Variants in PPIG observed in about 807,000 individuals in gnomAD.
PPIG encodes peptidyl-prolyl cis-trans isomerase G.
Under a neutral mutation model 87.9 loss-of-function variants are expected in PPIG, and 26 were observed. That is an observed-to-expected ratio of 0.30 (90% CI 0.22 to 0.41). PPIG has a LOEUF of 0.41. Ranked by LOEUF, PPIG falls within the 10% of genes least tolerant of loss-of-function variation. The pLI, the probability that PPIG is intolerant of heterozygous loss-of-function variation, is 1.00. For synonymous variants in PPIG, 308 were observed against 276.5 expected, an observed-to-expected ratio of 1.11 and a Z score of -1.13; for missense variants, 722 against 879.4, an observed-to-expected ratio of 0.82 and a Z score of 2.26.
At chr2:169,588,556 C>G (rs1398098533) in intron 1 of PPIG, among the ~76,000 whole-genome samples, 2 of 152,168 alleles carry the variant, frequency 1.3e-5, no homozygotes, top group African/African-American at 4.8e-5. Context: ...GTAGGAATTA[C>G]TGGATTGAAT....
At chr2:169,623,580 A>G (rs1685809626) in intron 9 of PPIG, among the ~76,000 whole-genome samples, 1 of 152,204 alleles carries the variant, frequency 6.6e-6, no homozygotes. Flanking sequence ...CAAATAGCAC[A>G]ATAGAGGAAG....
At chr2:169,628,939 CAAAAAA>C (rs71006010) in intron 9 of PPIG, among the ~76,000 whole-genome samples, 26 of 92,322 alleles carry the variant, frequency 2.8e-4, no homozygotes, top group African/African-American at 9.8e-4. Flanking sequence ...ACCCTGTCTC[CAAAAAA>C]AAAAAAAAAA....
chr2:169,585,549 G>T (rs1684677640), intron 1 of PPIG, among the ~76,000 whole-genome samples: 1 of 152,064 alleles, frequency 6.6e-6, no homozygotes, highest in South Asian at 2.1e-4. Context: ...GAGAGCCACC[G>T]CGCACGGCCA....
intron 9 of PPIG, among the ~76,000 whole-genome samples, chr2:169,623,584 G>A (rs1685809731): frequency 1.3e-5 from 2 of 152,216 alleles, no homozygotes; most frequent in South Asian, 4.1e-4. Flanking sequence ...TAGCACAATA[G>A]AGGAAGCAGC....
intron 13 of PPIG, 36 bp from the exon 14 acceptor site, chr2:169,636,377 A>G: frequency 1.3e-6 from 2 of 1,488,582 alleles, no homozygotes; most frequent in Non-Finnish European, 1.8e-6. Context: ...TTCTTTTCCT[A>G]ATAACATTTC....
intron 1 of PPIG, among the ~76,000 whole-genome samples, chr2:169,602,050 T>A (rs1685198183): frequency 1.3e-5 from 2 of 152,192 alleles, no homozygotes; most frequent in African/African-American, 2.4e-5. Context: ...ATTTCACACA[T>A]AAGTACTTAA....
intron 6 of PPIG, among the ~76,000 whole-genome samples, chr2:169,607,714 C>G (rs528635442): frequency 5.0e-4 from 76 of 152,146 alleles, no homozygotes; most frequent in Non-Finnish European, 9.6e-4. Flanking sequence ...TCTTAATATT[C>G]TAACCCAAGA....
chr2:169,587,559 G>A (rs1480914537), intron 1 of PPIG, among the ~76,000 whole-genome samples: 1 of 151,996 alleles, frequency 6.6e-6, no homozygotes, highest in African/African-American at 2.4e-5. Context: ...TTTAATGTTA[G>A]GACTAAACTT....
rs576143621 is a variant in PPIG, at chr2:169,613,037, G to A, written c.378-1427G>A. Among the ~76,000 whole-genome samples, 117 of 152,260 alleles carry A rather than the reference G, an allele frequency of 7.7e-4. 1 individual carries two copies. In the Middle Eastern group the frequency reaches 0.017, roughly 22 times the overall value. On this transcript the variant is annotated intron_variant, in intron 7 of 13. Transcript: ENST00000260970. ...ACTATGTGTATCTGTAAATTACCATGAAAGCACCACAAGCTGTAATTTTTT... is the reference window on the plus strand; with the variant it reads ...ACTATGTGTATCTGTAAATTACCATAAAAGCACCACAAGCTGTAATTTTTT...
chr2:169,587,125 G>T (rs1490393374), intron 1 of PPIG, among the ~76,000 whole-genome samples: 1 of 152,006 alleles, frequency 6.6e-6, no homozygotes, highest in African/African-American at 2.4e-5. Flanking sequence ...TAGAGAAGGG[G>T]TTTCACCATG....
In PPIG at chr2:169,622,737, T is replaced by C. The variant is rs557501786; in HGVS notation, c.547+8013T>C. Among the ~76,000 whole-genome samples the C allele has an allele frequency of 2.6e-5, 4 of 152,328 alleles. No homozygotes were observed. The East Asian group carries it at 7.7e-4, about 29-fold the overall frequency. On this transcript the variant is annotated intron_variant, in intron 9 of 13. Transcript: ENST00000260970. ...ACACACTTGGGCCCCTGTTATTCCA[T>C]AATCCTTCAGTTACCATTCAGAACA... is the stretch of plus-strand genomic sequence containing the variant.
At chr2:169,608,969 A>G (rs1685411596) in intron 7 of PPIG, among the ~76,000 whole-genome samples, 1 of 151,648 alleles carries the variant, frequency 6.6e-6, no homozygotes, top group South Asian at 2.1e-4. Context: ...CTGTAGTCCC[A>G]GCTACTTGGG....
In PPIG at chr2:169,604,051, A is replaced by G; in HGVS notation, c.10A>G (p.Lys4Glu). The change falls in exon 3 of 14, where the codon AAG becomes GAG. Residue 4 changes from lysine (K) to glutamate (E), a missense_variant. Physicochemically the swap from Lys to Glu is moderately conservative, Grantham distance 56. Around this residue, in one of 4 missense-constraint regions of PPIG, gnomAD observed 99 missense variants for 215.8 expected, o/e 0.46. Coordinates refer to ENST00000260970, the MANE Select transcript of PPIG (RefSeq NM_004792.3). ...ATTAAGTATTGGAGCCATGGGAATA[A>G]AGGTTCAACGTCCTCGATGTTTTTT... Reference protein sequence around the residue: MGIKVQRPRCFFDI... With the variant: MGIEVQRPRCFFDI... 1.9e-6 allele frequency: 3 copies of G among 1,613,678 alleles called. No individual in the cohort carries two copies. Among genetic ancestry groups the G allele is most frequent in the Non-Finnish European group, 2.5e-6 (3 of 1,179,708 alleles).
In PPIG at chr2:169,636,634, A is replaced by G. The variant is rs1296191516; in HGVS notation, c.1376A>G (p.Lys459Arg). 6.3e-7 allele frequency: 1 copy of G among 1,594,506 alleles called. No homozygotes were observed. Residue 459 changes from lysine (K) to arginine (R), a missense_variant, in exon 14 of 14, where the codon AAA becomes AGA. By Grantham distance (26) the Lys-to-Arg change is conservative. Around this residue, in one of 4 missense-constraint regions of PPIG, gnomAD observed 476 missense variants for 483.1 expected, o/e 0.99. Coordinates refer to ENST00000260970, the MANE Select transcript of PPIG (RefSeq NM_004792.3). ...AAAGTGAAGAAAAGGGCCAAATCTAAAAGTAGGAGTAAGAGCAAAGAGAAA... is the reference window on the plus strand; with the variant it reads ...AAAGTGAAGAAAAGGGCCAAATCTAGAAGTAGGAGTAAGAGCAAAGAGAAA... ...KNKVKKRAKS[K>R]SRSKSKEKSK...
Position 169,641,207 on chromosome 2 carries a change from A to T in PPIG, c.*3684A>T, listed in dbSNP as rs1247960372. Reference sequence around the variant, plus strand: ...TTTTCCTAGCCCAAAAGTCACTGTGATTATATTTTTTTAATGAAGTTTAGA... The same window carrying T: ...TTTTCCTAGCCCAAAAGTCACTGTGTTTATATTTTTTTAATGAAGTTTAGA... On this transcript the variant is annotated 3_prime_UTR_variant, in exon 14 of 14. Coordinates refer to ENST00000260970, the MANE Select transcript of PPIG (RefSeq NM_004792.3). 1 of 152,114 alleles carries T rather than the reference A, an allele frequency of 6.6e-6. No homozygotes were observed. The highest frequency in any genetic ancestry group is 2.4e-5 in the African/African-American group (1 of 41,430). The allele number at this position is 152,114 out of a possible 1,614,324, so 9.4% of individuals were successfully genotyped here. A position where few individuals can be genotyped will look rare whatever the true frequency, so the allele number is the denominator to read the frequency against.
intron 9 of PPIG, among the ~76,000 whole-genome samples, chr2:169,622,662 CTG>C (rs1685787784): frequency 6.6e-6 from 1 of 152,188 alleles, no homozygotes; most frequent in Non-Finnish European, 1.5e-5. Context: ...AATGGCTACT[CTG>C]TTCTGAATCA....
intron 1 of PPIG, among the ~76,000 whole-genome samples, chr2:169,598,260 A>C (rs1161209503): frequency 1.3e-5 from 2 of 151,898 alleles, no homozygotes; most frequent in Non-Finnish European, 2.9e-5. Context: ...CAGCCTTCTA[A>C]AGTGTAAGCC....
intron 10 of PPIG, 24 bp downstream of exon 10, chr2:169,631,011 C>T (rs1306458982): frequency 6.6e-7 from 1 of 1,526,284 alleles, no homozygotes; most frequent in East Asian, 2.3e-5. Flanking sequence ...TTTTCTAATG[C>T]TAGCTTTATA....
Position 169,613,574 on chromosome 2 carries a change from A to T in PPIG, c.378-890A>T, listed in dbSNP as rs1319076843. Among the ~76,000 whole-genome samples the T allele has an allele frequency of 2.0e-5, 3 of 152,188 alleles. No individual in the cohort carries two copies. The East Asian group carries it at 5.8e-4, about 29-fold the overall frequency. ...TTAAAAATAATTTCGTTTGCCAAAAAATGCTTATTTTAATTTTTTTTCCCA... is the reference window on the plus strand; with the variant it reads ...TTAAAAATAATTTCGTTTGCCAAAATATGCTTATTTTAATTTTTTTTCCCA... On this transcript the variant is annotated intron_variant, in intron 7 of 13. Coordinates refer to ENST00000260970, the MANE Select transcript of PPIG (RefSeq NM_004792.3).
Sources: gnomAD v4.1 joint callset for allele counts (sites outside exome capture counted in the v4.1 genomes callset) on GRCh38, gnomAD v4.1.1 for gene constraint, gnomAD v4.1.1 regional missense constraint, MANE v1.5 for transcripts, NCBI Gene and HGNC (gene_info 2026-07-23, HGNC 2026-07-21) for gene names.